The following PPP5C variants were observed in gnomAD, a reference collection of about 807,000 sequenced individuals.
PPP5C encodes the protein serine/threonine-protein phosphatase 5.
Under a neutral mutation model 66.7 loss-of-function variants are expected in PPP5C, and 21 were observed. That is an observed-to-expected ratio of 0.31 (90% CI 0.22 to 0.45). The LOEUF is 0.45. Ranked by LOEUF, PPP5C falls within the 20% of genes least tolerant of loss-of-function variation. The probability of loss-of-function intolerance (pLI) is 1.00; values close to 1 mark genes in which losing one functional copy is unlikely to be tolerated. For missense variants in PPP5C, 464 were observed against 675.9 expected (o/e 0.69, Z 3.48); for synonymous variants, 246 against 257.4 (o/e 0.96, Z 0.43).
Position 46,376,746 on chromosome 19 carries a change from G to C in PPP5C, c.633+172G>C, listed in dbSNP as rs537320536. ...AGGGCTTACCACATGATCTCATCTC[G>C]TCCCACAGCAGTTTGGGGAGGTGGC... On this transcript the variant is annotated intron_variant, in intron 4 of 12. Coordinates refer to ENST00000012443, the MANE Select transcript of PPP5C (RefSeq NM_006247.4). The surrounding 1 kb of genome is among the most constrained non-coding windows in gnomAD (Gnocchi z 5.1). 2.2e-6 allele frequency: 2 copies of C among 909,634 alleles called. 1 individual carries two copies. The highest frequency in any genetic ancestry group is 5.8e-5 in the East Asian group (2 of 34,190). 56.3% of individuals were successfully genotyped at this position (909,634 alleles called of 1,614,324 possible).
Position 46,375,620 on chromosome 19 carries a change from C to T in PPP5C, c.380C>T (p.Pro127Leu), listed in dbSNP as rs1466723067. 2.5e-6 allele frequency: 4 copies of T among 1,613,974 alleles called. No individual in the cohort carries two copies. Among genetic ancestry groups the T allele is most frequent in the Non-Finnish European group, 3.4e-6 (4 of 1,179,998 alleles). Residue 127 changes from proline to leucine, a missense_variant, in exon 3 of 13, where the codon CCC becomes CTC. Transcript: ENST00000012443. Reference sequence around the variant, plus strand: ...CCCACCCAGGTGGTCAAGGTGAAGCCCCATGACAAGGATGCCAAAATGAAA... The same window carrying T: ...CCCACCCAGGTGGTCAAGGTGAAGCTCCATGACAAGGATGCCAAAATGAAA... Reference protein sequence around the residue: ...RDYETVVKVKPHDKDAKMKYQ... With the variant: ...RDYETVVKVKLHDKDAKMKYQ...
intron 2 of PPP5C, among the ~76,000 whole-genome samples, chr19:46,372,324 C>T (rs183573870): frequency 1.4e-3 from 206 of 152,080 alleles, no homozygotes; most frequent in African/African-American, 4.6e-3. Flanking sequence ...CTCAGCCCCC[C>T]AAAGTAGCTG....
intron 2 of PPP5C, among the ~76,000 whole-genome samples, chr19:46,370,452 G>A (rs901819907): frequency 2.6e-5 from 4 of 152,332 alleles, no homozygotes; most frequent in East Asian, 1.9e-4. Context: ...GCTGTCACAC[G>A]CATGGAGCTG....
chr19:46,375,647 A>T lies in PPP5C; in HGVS notation c.407A>T (p.Tyr136Phe). The T allele has an allele frequency of 6.2e-7, 1 of 1,614,066 alleles. No homozygotes were observed. Among genetic ancestry groups the T allele is most frequent in the Non-Finnish European group, 8.5e-7 (1 of 1,179,970 alleles). Residue 136 changes from tyrosine to phenylalanine, a missense_variant, in exon 3 of 13, where the codon TAC (tyrosine) becomes TTC (phenylalanine). Physicochemically the swap from Tyr to Phe is conservative, Grantham distance 22. This residue lies in a region of PPP5C where 387 missense variants were observed against 626.0 expected (regional missense o/e 0.62). Transcript: ENST00000012443. ...CATGACAAGGATGCCAAAATGAAATACCAGGAGTGCAACAAGATCGTGAAG... is the reference window on the plus strand; with the variant it reads ...CATGACAAGGATGCCAAAATGAAATTCCAGGAGTGCAACAAGATCGTGAAG... ...KPHDKDAKMK[Y>F]QECNKIVKQK... is the part of the protein sequence containing the mutation.
rs1465441310 is a variant in PPP5C at position 46,383,502 on chromosome 19, A to G, written c.699+26A>G. 1 of 1,279,246 alleles carries G rather than the reference A, an allele frequency of 7.8e-7. No individual in the cohort carries two copies. The highest frequency in any genetic ancestry group is 1.1e-6 in the Non-Finnish European group (1 of 905,210). The allele number at this position is 1,279,246 out of a possible 1,614,324, so 79.2% of individuals were successfully genotyped here. A position where few individuals can be genotyped will look rare whatever the true frequency, so the allele number is the denominator to read the frequency against. The stretch of plus-strand genomic sequence containing the variant: ...GTGCGCGTTGTGGGGCAGTGCGGGG[A>G]GGGCCAGCGGGGGTGGGCTCTCTGG... On this transcript the variant is annotated intron_variant, in intron 5 of 12. Transcript: ENST00000012443. The surrounding 1 kb of genome is among the most constrained non-coding windows in gnomAD (Gnocchi z 5.0).
rs576042613 is a variant in PPP5C at position 46,387,627 on chromosome 19, C to T, written c.1135+174C>T. 7.8e-4 allele frequency: 1,196 copies of T among 1,527,474 alleles called. 10 individuals are homozygous for T. In the South Asian group the frequency reaches 0.014, roughly 17 times the overall value. 94.6% of individuals were successfully genotyped at this position (1,527,474 alleles called of 1,614,324 possible). A position where few individuals can be genotyped will look rare whatever the true frequency, so the allele number is the denominator to read the frequency against. On this transcript the variant is annotated intron_variant, in intron 9 of 12. Coordinates refer to ENST00000012443, the MANE Select transcript of PPP5C (RefSeq NM_006247.4). ...GGGCCAGTGCACCTCCTTCATGGGGCTGTGATGGCAAGCACGGTCGTGACC... is the reference window on the plus strand; with the variant it reads ...GGGCCAGTGCACCTCCTTCATGGGGTTGTGATGGCAAGCACGGTCGTGACC...
chr19:46,389,405 A>AGTGTTGATCC (rs1568579889), intron 11 of PPP5C, among the ~76,000 whole-genome samples: 1 of 28,800 alleles, frequency 3.5e-5, no homozygotes. Flanking sequence ...ACACACACAC[A>AGTGTTGATCC]CACACACACA....
intron 7 of PPP5C, 89 bp from the exon 8 acceptor site, chr19:46,387,004 T>G: frequency 6.3e-6 from 10 of 1,584,702 alleles, no homozygotes; most frequent in Non-Finnish European, 8.6e-6. Flanking sequence ...AAGGGACGCA[T>G]GCACAGTTCT....
chr19:46,379,423 G>A (rs2147393797), intron 4 of PPP5C, among the ~76,000 whole-genome samples: 2 of 152,194 alleles, frequency 1.3e-5, no homozygotes. Flanking sequence ...CCTGACCTCA[G>A]ATAATCCACC....
chr19:46,369,521 A>C (rs1972547656), intron 2 of PPP5C, among the ~76,000 whole-genome samples: 1 of 151,692 alleles, frequency 6.6e-6, no homozygotes, highest in South Asian at 2.1e-4. Flanking sequence ...AGTCCTAGCC[A>C]CTCTGGGGGC....
chr19:46,390,031 C>T lies in PPP5C; in HGVS notation c.1356-20C>T. 1 of 1,612,828 alleles carries T rather than the reference C, an allele frequency of 6.2e-7. No individual in the cohort carries two copies. On this transcript the variant is annotated intron_variant, in intron 11 of 12. Coordinates refer to ENST00000012443, the MANE Select transcript of PPP5C (RefSeq NM_006247.4). ...CACCCAGCCCTGACCACACTGTCCA[C>T]TCTGCTCCTGTCCCTGCAGCGACCA...
At chr19:46,363,181 G>T (rs573781401) in intron 2 of PPP5C, among the ~76,000 whole-genome samples, 1 of 140,002 alleles carries the variant, frequency 7.1e-6, no homozygotes, top group African/African-American at 2.6e-5. Flanking sequence ...GGTGGCGGGC[G>T]CCTGTAGTCC....
chr19:46,365,051 C>T (rs893672305), intron 2 of PPP5C, among the ~76,000 whole-genome samples: 3 of 152,192 alleles, frequency 2.0e-5, no homozygotes, highest in African/African-American at 7.2e-5. Flanking sequence ...GGCGCAATCT[C>T]AGCTCCCTGC....
chr19:46,384,646 C>T, intron 6 of PPP5C, 158 bp from the exon 7 acceptor site: 1 of 610,678 alleles, frequency 1.6e-6, no homozygotes, highest in Non-Finnish European at 3.0e-6. Flanking sequence ...ACCCAGATCC[C>T]TTGAGCCCTG....
At chr19:46,382,715 A>C in intron 4 of PPP5C, 13 of 880,958 alleles carry the variant, frequency 1.5e-5, no homozygotes, top group Non-Finnish European at 1.8e-5. Context: ...TCCCAAAAAC[A>C]AAGACGTCCT....
intron 2 of PPP5C, among the ~76,000 whole-genome samples, chr19:46,375,065 C>A (rs1601433649): frequency 2.0e-5 from 3 of 152,208 alleles, no homozygotes; most frequent in Admixed American, 2.0e-4. Flanking sequence ...GCCGGGCCCC[C>A]TGTGTTACTT....
At chr19:46,372,552 A>G (rs775941151) in intron 2 of PPP5C, among the ~76,000 whole-genome samples, 1 of 152,164 alleles carries the variant, frequency 6.6e-6, no homozygotes, top group Non-Finnish European at 1.5e-5. Flanking sequence ...AAAATTCCCA[A>G]TCCCCAAATA....
rs200479334 is a variant in PPP5C, at chr19:46,376,534, A to G, written c.593A>G (p.Tyr198Cys). ...ISFMKELMQW[Y>C]KDQKKLHRKC... ...TTCATGAAGGAGCTCATGCAGTGGT[A>G]CAAGGACCAGAAGAAACTGCACCGG... The change falls in exon 4 of 13, where the codon TAC becomes TGC. Residue 198 changes from tyrosine to cysteine, a missense_variant. Coordinates refer to ENST00000012443, the MANE Select transcript of PPP5C (RefSeq NM_006247.4). The surrounding 1 kb of genome is among the most constrained non-coding windows in gnomAD (Gnocchi z 5.1). 1 of 1,613,922 alleles carries G rather than the reference A, an allele frequency of 6.2e-7. No individual in the cohort carries two copies. The highest frequency in any genetic ancestry group is 8.5e-7 in the Non-Finnish European group (1 of 1,179,920).
chr19:46,348,071 G>C (rs75093468), intron 1 of PPP5C, among the ~76,000 whole-genome samples: 1 of 152,104 alleles, frequency 6.6e-6, no homozygotes, highest in Non-Finnish European at 1.5e-5. Flanking sequence ...ATAGGGTAGT[G>C]GGGGAAGGCC....
Sources: gnomAD v4.1 joint callset for allele counts (sites outside exome capture counted in the v4.1 genomes callset) on GRCh38, gnomAD v4.1.1 for gene constraint, gnomAD v4.1.1 regional missense constraint, Gnocchi (gnomAD v3.1) non-coding constraint, MANE v1.5 for transcripts, NCBI Gene and HGNC (gene_info 2026-07-23, HGNC 2026-07-21) for gene names.